The following TFDP2 variants were observed in gnomAD, a reference collection of about 807,000 sequenced individuals.
TFDP2 encodes transcription factor Dp-2.
In TFDP2, 17 loss-of-function variants were observed where a neutral mutation model predicts 59.3. The observed-to-expected ratio is 0.29, with a 90% CI of 0.20 to 0.43. TFDP2 has a LOEUF of 0.43. Among genes scored for constraint, TFDP2 ranks in the 20% least tolerant of loss-of-function variants. TFDP2 has a pLI of 1.00. For synonymous variants in TFDP2, 180 were observed against 194.7 expected (o/e 0.92, Z 0.63); for missense variants, 391 against 528.8 (o/e 0.74, Z 2.56).
At chr3:141,959,945 T>C (rs1027513261) in intron 10 of TFDP2, 105 bp from the exon 11 acceptor site, 65 of 1,124,270 alleles carry the variant, frequency 5.8e-5, no homozygotes, top group Middle Eastern at 2.3e-4. Context: ...AATCCAGCTA[T>C]AGTGCTAGAA....
At chr3:142,063,295 T>C (rs1246127681) in intron 3 of TFDP2, among the ~76,000 whole-genome samples, 1 of 152,186 alleles carries the variant, frequency 6.6e-6, no homozygotes, top group Non-Finnish European at 1.5e-5. Context: ...TAAAATACAA[T>C]TTCACTTAAA....
At chr3:142,010,467 G>C (rs1182642669) in intron 3 of TFDP2, among the ~76,000 whole-genome samples, 1 of 152,016 alleles carries the variant, frequency 6.6e-6, no homozygotes, top group Non-Finnish European at 1.5e-5. Context: ...AAATCAGCTG[G>C]GCATGGTGGC....
chr3:142,096,644 C>G (rs771400865), intron 2 of TFDP2, among the ~76,000 whole-genome samples: 1 of 152,048 alleles, frequency 6.6e-6, no homozygotes, highest in South Asian at 2.1e-4. Flanking sequence ...AGTCACTATG[C>G]GTTTACTGAA....
chr3:142,009,825 C>A (rs2108288684), intron 3 of TFDP2, among the ~76,000 whole-genome samples: 1 of 151,746 alleles, frequency 6.6e-6, no homozygotes, highest in Admixed American at 6.6e-5. Flanking sequence ...GGTAGTATTT[C>A]AAACCAATAA....
At chr3:142,017,703 C>T (rs573563481) in intron 3 of TFDP2, among the ~76,000 whole-genome samples, 3 of 150,300 alleles carry the variant, frequency 2.0e-5, no homozygotes, top group Non-Finnish European at 3.0e-5. Context: ...CAGGCACATG[C>T]CACCATGCCT....
intron 6 of TFDP2, among the ~76,000 whole-genome samples, chr3:141,992,685 CA>C (rs1425183008): frequency 1.3e-5 from 2 of 152,298 alleles, no homozygotes; most frequent in East Asian, 3.9e-4. Flanking sequence ...AAGCAAACAA[CA>C]AAAGCCACCA....
In TFDP2 at chr3:142,000,356, T is replaced by C. The variant is rs76506018; in HGVS notation, c.186+5085A>G. The C allele has an allele frequency of 5.7e-6, 4 of 702,148 alleles. No homozygotes were observed. In the Admixed American group the frequency reaches 8.0e-5, roughly 14 times the overall value. 43.5% of individuals were successfully genotyped at this position (702,148 alleles called of 1,614,324 possible). A position where few individuals can be genotyped will look rare whatever the true frequency, so the allele number is the denominator to read the frequency against. ...AAGATGATGCCTTCTGGTTGCATCC[T>C]AATAGCAGAAAGGGTCCAGGGTGCT... On this transcript the variant is annotated intron_variant, in intron 4 of 12. Coordinates refer to ENST00000489671, the MANE Select transcript of TFDP2 (RefSeq NM_001178139.2).
rs984709029 is a variant in TFDP2 at position 142,149,456 on chromosome 3, A to T, written c.-366T>A. ...CAGCTGCGGCAGCGCCGCAGCCGAG[A>T]TCGCTACCGATTTCGTCCGCCCTCT... On this transcript the variant is annotated 5_prime_UTR_variant, in exon 1 of 13. Coordinates refer to ENST00000489671, the MANE Select transcript of TFDP2 (RefSeq NM_001178139.2). The T allele has an allele frequency of 1.6e-5, 6 of 373,670 alleles. No individual in the cohort carries two copies. Among genetic ancestry groups the T allele is most frequent in the Non-Finnish European group, 2.4e-5 (5 of 210,512 alleles). The allele number at this position is 373,670 out of a possible 1,614,324, so 23.1% of individuals were successfully genotyped here. A position where few individuals can be genotyped will look rare whatever the true frequency, so the allele number is the denominator to read the frequency against.
At chr3:142,043,727 T>G in intron 3 of TFDP2, 1 of 1,312,604 alleles carries the variant, frequency 7.6e-7, no homozygotes, top group East Asian at 2.3e-5. Context: ...GTCTTAGACC[T>G]GGGGGCCTCA....
At chr3:142,028,808 T>A (rs945365355) in intron 3 of TFDP2, 2 of 722,426 alleles carry the variant, frequency 2.8e-6, no homozygotes, top group African/African-American at 3.8e-5. Context: ...TCAAAAGAAA[T>A]TGAAAAGTGC....
chr3:141,959,296 C>T (rs1035093291), intron 11 of TFDP2, among the ~76,000 whole-genome samples: 6 of 152,026 alleles, frequency 3.9e-5, no homozygotes, highest in Non-Finnish European at 5.9e-5. Flanking sequence ...CCAAAGTTTC[C>T]CTTGAAGTAT....
chr3:141,973,126 T>A (rs1283167935), intron 8 of TFDP2, among the ~76,000 whole-genome samples: 130 of 121,126 alleles, frequency 1.1e-3, no homozygotes, highest in South Asian at 3.9e-3. Flanking sequence ...TATATATATT[T>A]TTTTTTTTTA....
At chr3:142,083,815 A>C (rs1396684907) in intron 3 of TFDP2, among the ~76,000 whole-genome samples, 1 of 152,172 alleles carries the variant, frequency 6.6e-6, no homozygotes, top group Non-Finnish European at 1.5e-5. Flanking sequence ...AAAAGAATGA[A>C]ACTAGACCCC....
intron 9 of TFDP2, among the ~76,000 whole-genome samples, chr3:141,967,288 G>GTTTTTTTTTTTTTTT (rs200530270): frequency 6.9e-6 from 1 of 145,314 alleles, no homozygotes; most frequent in Non-Finnish European, 1.5e-5. Flanking sequence ...GAGGAAATAA[G>GTTTTTTTTTTTTTTT]TTTTTTGTTT....
chr3:142,023,594 TA>T (rs1945838170), intron 3 of TFDP2, among the ~76,000 whole-genome samples: 1 of 152,084 alleles, frequency 6.6e-6, no homozygotes, highest in Admixed American at 6.5e-5. Flanking sequence ...CCTTAGCAAA[TA>T]AAAGAGGGGA....
At chr3:141,985,892 C>T (rs1034903775) in intron 6 of TFDP2, among the ~76,000 whole-genome samples, 2 of 152,032 alleles carry the variant, frequency 1.3e-5, no homozygotes, top group African/African-American at 4.8e-5. Flanking sequence ...CTAGAATATA[C>T]AAGGAATGCA....
chr3:142,069,011 G>A (rs2060157167), intron 3 of TFDP2, among the ~76,000 whole-genome samples: 1 of 152,024 alleles, frequency 6.6e-6, no homozygotes, highest in African/African-American at 2.4e-5. Context: ...CGTCTCCTTG[G>A]TTCAACTGAT....
intron 4 of TFDP2, among the ~76,000 whole-genome samples, chr3:141,999,850 C>T (rs1459241044): frequency 6.6e-6 from 1 of 152,078 alleles, no homozygotes; most frequent in Non-Finnish European, 1.5e-5. Flanking sequence ...ATTCTCCTGC[C>T]TCAGCCTCCT....
At position 142,045,238 on chromosome 3, in the gene TFDP2, CA is replaced by C. The variant is rs569713570; in HGVS notation, c.83-39695del. On this transcript the variant is annotated intron_variant, in intron 3 of 12. Coordinates refer to ENST00000489671, the MANE Select transcript of TFDP2 (RefSeq NM_001178139.2). ...GCACGATCACGATCTCGGCCCATTGCAACCTCTGCCTCCCGGGTTCAAGTGA... is the reference window on the plus strand; with the variant it reads ...GCACGATCACGATCTCGGCCCATTGCACCTCTGCCTCCCGGGTTCAAGTGA... 2.0e-4 allele frequency among the ~76,000 whole-genome samples: 30 copies of C among 150,982 alleles called. No individual in the cohort carries two copies. The South Asian group carries it at 5.9e-3, about 30-fold the overall frequency.
Sources: gnomAD v4.1 joint callset for allele counts (sites outside exome capture counted in the v4.1 genomes callset) on GRCh38, gnomAD v4.1.1 for gene constraint, MANE v1.5 for transcripts, NCBI Gene and HGNC (gene_info 2026-07-23, HGNC 2026-07-21) for gene names.